Variants in FAAH2 observed in about 807,000 individuals in gnomAD.
FAAH2 encodes fatty acid amide hydrolase 2.
A neutral mutation model predicts 36.9 loss-of-function variants in FAAH2; 60 were observed. The ratio of observed to expected loss-of-function variants is 1.63; its 90% CI spans 1.32 to 2.02. FAAH2 has a LOEUF of 2.02. Among genes scored for constraint, FAAH2 ranks in the 30% most tolerant of loss-of-function variants. The pLI is 0.00. For synonymous variants in FAAH2, 214 were observed against 143.8 expected (o/e 1.49, Z -3.49); for missense variants, 689 against 397.5 (o/e 1.73, Z -6.23).
chrX:57,299,217 G>T (rs189759409), intron 2 of FAAH2, among the ~76,000 whole-genome samples: 1 of 111,936 alleles, frequency 8.9e-6, no homozygotes, highest in Admixed American at 9.5e-5. Context: ...TAAAATGCTG[G>T]CAAACCGAAT....
intron 10 of FAAH2, among the ~76,000 whole-genome samples, chrX:57,456,039 A>G (rs1165907429): frequency 1.8e-5 from 2 of 111,832 alleles, no homozygotes; most frequent in Non-Finnish European, 3.8e-5. Flanking sequence ...TCTAAGGTCC[A>G]CCACATCCTT....
At chrX:57,436,499 AAG>A (rs774067371) in intron 8 of FAAH2, among the ~76,000 whole-genome samples, 3 of 109,767 alleles carry the variant, frequency 2.7e-5, no homozygotes, top group East Asian at 5.6e-4. Flanking sequence ...TCATGAAAAA[AAG>A]AGAGATTACA....
At chrX:57,205,699 C>T in the FAAH2 span, among the ~76,000 whole-genome samples, 1 of 112,291 alleles carries the variant, frequency 8.9e-6, no homozygotes, top group Admixed American at 9.4e-5. Flanking sequence ...TTCTCAGCAC[C>T]TTCAATTTGT....
At chrX:57,157,416 T>C in the FAAH2 span, among the ~76,000 whole-genome samples, 1 of 111,775 alleles carries the variant, frequency 8.9e-6, no homozygotes, top group African/African-American at 3.3e-5. Flanking sequence ...AGTATCAGAT[T>C]CCCTTCTGGT....
chrX:57,180,845 C>T, the FAAH2 span, among the ~76,000 whole-genome samples: 1 of 111,525 alleles, frequency 9.0e-6, no homozygotes, highest in African/African-American at 3.3e-5. Context: ...AAAGAGACAA[C>T]TTCAGGCCAA....
the FAAH2 span, among the ~76,000 whole-genome samples, chrX:57,188,844 A>G: frequency 2.7e-5 from 3 of 110,713 alleles, no homozygotes; most frequent in East Asian, 8.5e-4. Flanking sequence ...TACCTTCGAG[A>G]ATCTGATAAT....
chrX:57,382,203 A>T (rs976660718), intron 7 of FAAH2, among the ~76,000 whole-genome samples: 3 of 111,595 alleles, frequency 2.7e-5, no homozygotes, highest in Non-Finnish European at 3.8e-5. Context: ...TTTAGCACTA[A>T]ATGCCCACAA....
chrX:57,342,686 G>A (rs2053717696), intron 5 of FAAH2, among the ~76,000 whole-genome samples: 1 of 110,619 alleles, frequency 9.0e-6, no homozygotes, highest in African/African-American at 3.3e-5. Flanking sequence ...TAAATTGTGT[G>A]TCCATGTGGT....
the FAAH2 span, among the ~76,000 whole-genome samples, chrX:57,247,035 A>T: frequency 8.9e-6 from 1 of 111,914 alleles, no homozygotes; most frequent in Non-Finnish European, 1.9e-5. Context: ...TATTTTATAA[A>T]ATATTATTTT....
chrX:57,337,895 T>G (rs766518001), intron 4 of FAAH2, among the ~76,000 whole-genome samples: 2 of 112,034 alleles, frequency 1.8e-5, no homozygotes, highest in Non-Finnish European at 3.8e-5. Context: ...GTATTGGATG[T>G]TCTGGCCAGA....
the FAAH2 span, among the ~76,000 whole-genome samples, chrX:57,150,740 G>A: frequency 6.6e-4 from 74 of 111,933 alleles, no homozygotes; most frequent in South Asian, 2.2e-3. Context: ...TCTTTTAATT[G>A]GAGCATTTAG....
chrX:57,359,737 G>T (rs1256264243), intron 5 of FAAH2, among the ~76,000 whole-genome samples: 1 of 111,285 alleles, frequency 9.0e-6, no homozygotes, highest in Non-Finnish European at 1.9e-5. Flanking sequence ...AGTATCACAG[G>T]ATTTAATATC....
At chrX:57,356,552 T>G (rs2054162017) in intron 5 of FAAH2, among the ~76,000 whole-genome samples, 1 of 110,872 alleles carries the variant, frequency 9.0e-6, no homozygotes, top group Non-Finnish European at 1.9e-5. Flanking sequence ...TATTTTTTAA[T>G]GTATTGCTTT....
intron 3 of FAAH2, among the ~76,000 whole-genome samples, chrX:57,312,454 C>A (rs1200826984): frequency 1.8e-5 from 2 of 111,176 alleles, no homozygotes; most frequent in African/African-American, 6.6e-5. Context: ...AGGTGGATCA[C>A]CTGAAGTCAG....
At chrX:57,277,981 G>T in the FAAH2 span, among the ~76,000 whole-genome samples, 3 of 111,553 alleles carry the variant, frequency 2.7e-5, no homozygotes, top group Non-Finnish European at 3.8e-5. Context: ...TCAATATCGT[G>T]AAAATGGCCA....
chrX:57,123,845 G>A, the FAAH2 span, among the ~76,000 whole-genome samples: 1 of 111,629 alleles, frequency 9.0e-6, no homozygotes, highest in Non-Finnish European at 1.9e-5. Context: ...CTTTTTGATG[G>A]GGTTGTTTGT....
At chrX:57,138,347 A>G in the FAAH2 span, among the ~76,000 whole-genome samples, 1 of 111,332 alleles carries the variant, frequency 9.0e-6, no homozygotes, top group African/African-American at 3.3e-5. Flanking sequence ...CAATAAAAAC[A>G]ATATGTTGGC....
intron 7 of FAAH2, among the ~76,000 whole-genome samples, chrX:57,415,869 T>C (rs754662105): frequency 9.0e-6 from 1 of 111,281 alleles, no homozygotes; most frequent in South Asian, 3.8e-4. Context: ...TAAGTCTCTT[T>C]GTAGGTCTCT....
the FAAH2 span, among the ~76,000 whole-genome samples, chrX:57,259,130 C>A: frequency 9.0e-6 from 1 of 111,393 alleles, no homozygotes; most frequent in Non-Finnish European, 1.9e-5. Context: ...GAAAACAGAT[C>A]TCTTATACAT....
Sources: gnomAD v4.1 joint callset for allele counts (sites outside exome capture counted in the v4.1 genomes callset) on GRCh38, gnomAD v4.1.1 for gene constraint, MANE v1.5 for transcripts, NCBI Gene and HGNC (gene_info 2026-07-23, HGNC 2026-07-21) for gene names.